Variants in EN2 observed in about 807,000 individuals in gnomAD.
The protein encoded by EN2 is homeobox protein engrailed-2.
In EN2, 7 loss-of-function variants were observed where a neutral mutation model predicts 25.0. The observed-to-expected ratio is 0.28, with a 90% CI of 0.16 to 0.53. The LOEUF (loss-of-function observed/expected upper bound fraction) is 0.53. Ranked by LOEUF, EN2 falls within the 20% of genes least tolerant of loss-of-function variation. The pLI, the probability that EN2 is intolerant of heterozygous loss-of-function variation, is 0.96. For missense variants in EN2, 524 were observed against 501.8 expected (o/e 1.04, Z -0.42); for synonymous variants, 277 against 243.3 (o/e 1.14, Z -1.29).
At position 155,463,511 on chromosome 7, in the gene EN2, T is replaced by C. The variant is rs55729502; in HGVS notation, c.*824T>C. 0.22 allele frequency: 32,690 copies of C among 150,456 alleles called. 4,079 individuals are homozygous for C. Among genetic ancestry groups the C allele is most frequent in the African/African-American group, 0.35 (13,805 of 39,304 alleles). 9.3% of individuals were successfully genotyped at this position (150,456 alleles called of 1,614,324 possible). A position where few individuals can be genotyped will look rare whatever the true frequency, so the allele number is the denominator to read the frequency against. On this transcript the variant is annotated 3_prime_UTR_variant, in exon 2 of 2. Transcript: ENST00000297375. ...CTTCCTTCCTCCTCCTCCTTCTCTT[T>C]CCTCCTCCTCCTCACCAAGGGCCCA...
chr7:155,462,004 C>T (rs534011927), intron 1 of EN2, among the ~76,000 whole-genome samples: 14 of 152,308 alleles, frequency 9.2e-5, no homozygotes, highest in South Asian at 2.1e-4. Flanking sequence ...GCACCTACCG[C>T]CATCCCTGTT....
Position 155,458,506 on chromosome 7 carries a change from G to A in EN2, c.129G>A (p.Gly43=), listed in dbSNP as rs1044169405. 29 of 1,324,742 alleles carry A rather than the reference G, an allele frequency of 2.2e-5. No individual in the cohort carries two copies. The African/African-American group carries it at 4.3e-4, about 20-fold the overall frequency. 82.1% of individuals were successfully genotyped at this position (1,324,742 alleles called of 1,614,324 possible). ...GGSSPGEADT[G]RRRALMLPAV... is the part of the protein sequence containing the mutation. The stretch of plus-strand genomic sequence containing the variant: ...GCAGCCCGGGCGAAGCGGACACCGG[G>A]CGCCGGCGGGCTCTGATGCTGCCCG... The change falls in exon 1 of 2, where the codon GGG becomes GGA. Residue 43 remains glycine (G), a synonymous_variant. Transcript: ENST00000297375.
chr7:155,461,599 T>C (rs1157787439), intron 1 of EN2, among the ~76,000 whole-genome samples: 1 of 152,144 alleles, frequency 6.6e-6, no homozygotes, highest in Non-Finnish European at 1.5e-5. Context: ...CAGTCCCATG[T>C]CTGGGGAAAG....
Position 155,464,396 on chromosome 7 carries a change from G to T in EN2, c.*1709G>T, listed in dbSNP as rs974787694. On this transcript the variant is annotated 3_prime_UTR_variant, in exon 2 of 2. Coordinates refer to ENST00000297375, the MANE Select transcript of EN2 (RefSeq NM_001427.4). ...AGGGGTGTGCACACGGCTGAGCTGG[G>T]AGTCCCGCTGGTCTCCCTGAGGACT... The T allele has an allele frequency of 1.3e-5, 2 of 152,596 alleles. No homozygotes were observed. Among genetic ancestry groups the T allele is most frequent in the African/African-American group, 4.8e-5 (2 of 41,464 alleles). The allele number at this position is 152,596 out of a possible 1,614,324, so 9.5% of individuals were successfully genotyped here.
At chr7:155,460,088 C>T (rs73494123) in intron 1 of EN2, among the ~76,000 whole-genome samples, 3,012 of 152,334 alleles carry the variant, frequency 0.02, 101 homozygotes, top group African/African-American at 0.069. Flanking sequence ...CAGGAGTGAG[C>T]CAACCCTTGG....
rs778824239 is a variant in EN2 at position 155,462,639 on chromosome 7, G to C, written c.954G>C (p.Leu318Phe). 6.2e-7 allele frequency: 1 copy of C among 1,608,608 alleles called. No homozygotes were observed. The highest frequency in any genetic ancestry group is 8.5e-7 in the Non-Finnish European group (1 of 1,177,402). Residue 318 changes from leucine to phenylalanine, a missense_variant, in exon 2 of 2, where the codon TTG (leucine) becomes TTC (phenylalanine). By Grantham distance (22) the Leu-to-Phe change is conservative. Coordinates refer to ENST00000297375, the MANE Select transcript of EN2 (RefSeq NM_001427.4). ...CCGTGCACCTCATGGCACAGGGCTTGTACAACCACTCCACCACAGCCAAGG... is the reference window on the plus strand; with the variant it reads ...CCGTGCACCTCATGGCACAGGGCTTCTACAACCACTCCACCACAGCCAAGG... ...TLAVHLMAQG[L>F]YNHSTTAKEG...
At position 155,463,490 on chromosome 7, in the gene EN2, CTTCCTCCTCCTCCTTCTCT is replaced by C. The variant is rs938056066; in HGVS notation, c.*818_*836del. Reference sequence around the variant, plus strand: ...CTTTTTCTTCTCCTCCTCCTCCTTCCTTCCTCCTCCTCCTTCTCTTTCCTCCTCCTCCTCACCAAGGGCC... The same window carrying C: ...CTTTTTCTTCTCCTCCTCCTCCTTCCTTCCTCCTCCTCCTCACCAAGGGCC... On this transcript the variant is annotated 3_prime_UTR_variant, in exon 2 of 2. Coordinates refer to ENST00000297375, the MANE Select transcript of EN2 (RefSeq NM_001427.4). 2.0e-5 allele frequency: 3 copies of C among 153,116 alleles called. No individual in the cohort carries two copies. The highest frequency in any genetic ancestry group is 7.3e-5 in the African/African-American group (3 of 41,262). The allele number at this position is 153,116 out of a possible 1,614,324, so 9.5% of individuals were successfully genotyped here. A position where few individuals can be genotyped will look rare whatever the true frequency, so the allele number is the denominator to read the frequency against.
rs1408855916 is a variant in EN2, at chr7:155,464,531, A to C, written c.*1844A>C. On this transcript the variant is annotated 3_prime_UTR_variant, in exon 2 of 2. Coordinates refer to ENST00000297375, the MANE Select transcript of EN2 (RefSeq NM_001427.4). ...TTAAAAAGGAAAGTATAAAAACAAA[A>C]GTTGTAATTTAAAAGTCTGAATAAC... 6.5e-6 allele frequency: 1 copy of C among 152,674 alleles called. No individual in the cohort carries two copies. The highest frequency in any genetic ancestry group is 1.5e-5 in the Non-Finnish European group (1 of 68,038). The allele number at this position is 152,674 out of a possible 1,614,324, so 9.5% of individuals were successfully genotyped here.
Position 155,458,548 on chromosome 7 carries a change from C to A in EN2, c.171C>A (p.Pro57=). 7.1e-7 allele frequency: 1 copy of A among 1,414,712 alleles called. No homozygotes were observed. The highest frequency in any genetic ancestry group is 3.0e-5 in the East Asian group (1 of 33,630). The allele number at this position is 1,414,712 out of a possible 1,614,324, so 87.6% of individuals were successfully genotyped here. A position where few individuals can be genotyped will look rare whatever the true frequency, so the allele number is the denominator to read the frequency against. Residue 57 remains proline, a synonymous_variant, in exon 1 of 2, where the codon CCC becomes CCA. Coordinates refer to ENST00000297375, the MANE Select transcript of EN2 (RefSeq NM_001427.4). ...TGCTGCCCGCGGTCCTGCAGGCGCCCGGCAACCACCAGCACCCGCACCGCA... is the reference window on the plus strand; with the variant it reads ...TGCTGCCCGCGGTCCTGCAGGCGCCAGGCAACCACCAGCACCCGCACCGCA... The part of the protein sequence containing the change: ...ALMLPAVLQA[P]GNHQHPHRIT...
At position 155,464,091 on chromosome 7, in the gene EN2, G is replaced by A. The variant is rs1277940498; in HGVS notation, c.*1404G>A. 1 of 152,012 alleles carries A rather than the reference G, an allele frequency of 6.6e-6. No individual in the cohort carries two copies. The highest frequency in any genetic ancestry group is 1.5e-5 in the Non-Finnish European group (1 of 68,008). 9.4% of individuals were successfully genotyped at this position (152,012 alleles called of 1,614,324 possible). ...TTTCAAAAGAACTCAGAATCCTCCA[G>A]GATCTAGAAGAAGGAAGAAAGTGTG... On this transcript the variant is annotated 3_prime_UTR_variant, in exon 2 of 2. Coordinates refer to ENST00000297375, the MANE Select transcript of EN2 (RefSeq NM_001427.4).
Position 155,463,792 on chromosome 7 carries a change from G to A in EN2, c.*1105G>A, listed in dbSNP as rs1473376469. The A allele has an allele frequency of 6.6e-6, 1 of 152,262 alleles. No individual in the cohort carries two copies. Among genetic ancestry groups the A allele is most frequent in the Non-Finnish European group, 1.5e-5 (1 of 68,054 alleles). The allele number at this position is 152,262 out of a possible 1,614,324, so 9.4% of individuals were successfully genotyped here. ...GTGCCAGCCAGGGTCCCAGAAATGA[G>A]GCCATGGCTCACTGTTTCTGGGCGG... On this transcript the variant is annotated 3_prime_UTR_variant, in exon 2 of 2. Transcript: ENST00000297375.
chr7:155,461,252 C>T (rs1795692092), intron 1 of EN2, among the ~76,000 whole-genome samples: 1 of 152,250 alleles, frequency 6.6e-6, no homozygotes, highest in South Asian at 2.1e-4. Flanking sequence ...CCGATTCATA[C>T]ACCGCACAAA....
chr7:155,462,582 C>T lies in EN2; in HGVS notation c.897C>T (p.Ile299=). 1.9e-6 allele frequency: 3 copies of T among 1,614,134 alleles called. No homozygotes were observed. The highest frequency in any genetic ancestry group is 2.5e-6 in the Non-Finnish European group (3 of 1,180,026). Reference sequence around the variant, plus strand: ...GGTTCCAGAACAAGCGCGCCAAGATCAAGAAGGCCACGGGCAACAAGAACA... The same window carrying T: ...GGTTCCAGAACAAGCGCGCCAAGATTAAGAAGGCCACGGGCAACAAGAACA... ...KIWFQNKRAK[I]KKATGNKNTL... Residue 299 remains isoleucine, a synonymous_variant, in exon 2 of 2, where the codon ATC becomes ATT. Coordinates refer to ENST00000297375, the MANE Select transcript of EN2 (RefSeq NM_001427.4).
chr7:155,458,761 G>A lies in EN2; in HGVS notation c.384G>A (p.Glu128=), dbSNP rs375042010. The part of the protein sequence containing the change: ...SEQLLGSGSR[E]PRQNPPCAPG... ...AGCTCTTGGGCTCGGGCTCCCGAGA[G>A]CCCCGGCAGAACCCGCCATGTGCGC... The change falls in exon 1 of 2, where the codon GAG becomes GAA. Residue 128 remains glutamate (E), a synonymous_variant. Coordinates refer to ENST00000297375, the MANE Select transcript of EN2 (RefSeq NM_001427.4). 3.7e-6 allele frequency: 5 copies of A among 1,368,010 alleles called. No individual in the cohort carries two copies. The highest frequency in any genetic ancestry group is 1.5e-5 in the African/African-American group (1 of 64,878). 84.7% of individuals were successfully genotyped at this position (1,368,010 alleles called of 1,614,324 possible).
intron 1 of EN2, 127 bp from the exon 2 acceptor site, chr7:155,462,244 C>G: frequency 9.6e-7 from 1 of 1,041,278 alleles, no homozygotes; most frequent in Non-Finnish European, 1.4e-6. Context: ...CCACATCTGG[C>G]GGTTCAGCCT....
chr7:155,458,868 A>G lies in EN2; in HGVS notation c.491A>G (p.His164Arg). 2 of 1,494,616 alleles carry G rather than the reference A, an allele frequency of 1.3e-6. No homozygotes were observed. The highest frequency in any genetic ancestry group is 1.8e-6 in the Non-Finnish European group (2 of 1,130,192). 92.6% of individuals were successfully genotyped at this position (1,494,616 alleles called of 1,614,324 possible). The change falls in exon 1 of 2, where the codon CAC becomes CGC. Residue 164 changes from histidine (H) to arginine (R), a missense_variant. By Grantham distance (29) the His-to-Arg change is conservative. Coordinates refer to ENST00000297375, the MANE Select transcript of EN2 (RefSeq NM_001427.4). Reference protein sequence around the residue: ...GEGGSKTLSLHGGAKKGGDPG... With the variant: ...GEGGSKTLSLRGGAKKGGDPG... ...GGCGGCTCCAAGACGCTCTCGCTGCACGGTGGCGCCAAGAAAGGCGGCGAC... is the reference window on the plus strand; with the variant it reads ...GGCGGCTCCAAGACGCTCTCGCTGCGCGGTGGCGCCAAGAAAGGCGGCGAC...
At chr7:155,462,350 C>A (rs765210082) in intron 1 of EN2, 21 bp from the exon 2 acceptor site, 16 of 1,587,080 alleles carry the variant, frequency 1.0e-5, no homozygotes, top group Non-Finnish European at 1.4e-5. Flanking sequence ...TGACTTCTCT[C>A]TGTCCACCGT....
intron 1 of EN2, among the ~76,000 whole-genome samples, chr7:155,461,814 G>A (rs1332734357): frequency 6.6e-6 from 1 of 152,198 alleles, no homozygotes; most frequent in Non-Finnish European, 1.5e-5. Context: ...GAGGAGCTTG[G>A]GTGGAGGCAG....
Position 155,458,689 on chromosome 7 carries a change from C to T in EN2, c.312C>T (p.Gly104=). The T allele has an allele frequency of 4.5e-6, 6 of 1,339,334 alleles. No individual in the cohort carries two copies. Among genetic ancestry groups the T allele is most frequent in the Non-Finnish European group, 5.7e-6 (6 of 1,052,396 alleles). 83.0% of individuals were successfully genotyped at this position (1,339,334 alleles called of 1,614,324 possible). Residue 104 remains glycine, a synonymous_variant, in exon 1 of 2, where the codon GGC becomes GGT. Transcript: ENST00000297375. ...GGRGGGAGGE[G]GASGAEGGGG... ...GGGGCGGCGGAGCCGGCGGCGAAGG[C>T]GGCGCGAGCGGTGCGGAGGGAGGCG...
Sources: gnomAD v4.1 joint callset for allele counts (sites outside exome capture counted in the v4.1 genomes callset) on GRCh38, gnomAD v4.1.1 for gene constraint, MANE v1.5 for transcripts, NCBI Gene and HGNC (gene_info 2026-07-23, HGNC 2026-07-21) for gene names.